ADAM22: variants seen among roughly 807,000 people sequenced by gnomAD.
The protein encoded by ADAM22 is disintegrin and metalloproteinase domain-containing protein 22.
A neutral mutation model predicts 144.6 loss-of-function variants in ADAM22; 65 were observed. The observed-to-expected ratio is 0.45, with a 90% confidence interval of 0.37 to 0.55. The LOEUF (loss-of-function observed/expected upper bound fraction) is 0.55, where lower values mean the gene tolerates loss of function less well. Among genes scored for constraint, ADAM22 ranks in the 20% least tolerant of loss-of-function variants. ADAM22 has a pLI of 0.00. For missense variants in ADAM22, 974 were observed against 1,184.9 expected (o/e 0.82, Z 2.61); for synonymous variants, 391 against 412.6 (o/e 0.95, Z 0.63).
intron 2 of ADAM22, among the ~76,000 whole-genome samples, chr7:87,949,651 G>A (rs926125775): frequency 2.0e-5 from 3 of 151,542 alleles, no homozygotes; most frequent in Admixed American, 2.0e-4. Flanking sequence ...TATTTTTAGG[G>A]TTTGATTTTT....
At chr7:88,020,400 C>T (rs1427360503) in intron 3 of ADAM22, among the ~76,000 whole-genome samples, 1 of 152,162 alleles carries the variant, frequency 6.6e-6, no homozygotes, top group African/African-American at 2.4e-5. Flanking sequence ...GCTGGTGCCA[C>T]AATCATGTGA....
intron 28 of ADAM22, 37 bp downstream of exon 28, chr7:88,181,642 A>C (rs373879420): frequency 6.5e-7 from 1 of 1,549,202 alleles, no homozygotes; most frequent in Non-Finnish European, 8.9e-7. Flanking sequence ...TGTCCACATA[A>C]TCAAGTTCTA....
chr7:87,972,903 A>G (rs1482033149), intron 2 of ADAM22, among the ~76,000 whole-genome samples: 1 of 152,200 alleles, frequency 6.6e-6, no homozygotes, highest in African/African-American at 2.4e-5. Flanking sequence ...TAGAAAGCTG[A>G]AACTGGATCC....
chr7:88,060,553 G>A (rs1220496352), intron 3 of ADAM22, among the ~76,000 whole-genome samples: 5 of 148,976 alleles, frequency 3.4e-5, no homozygotes, highest in African/African-American at 9.9e-5. Context: ...GGTGGATTAC[G>A]AGGTTAGGAG....
chr7:88,120,891 A>AT (rs1490468791), intron 7 of ADAM22, among the ~76,000 whole-genome samples: 2 of 152,042 alleles, frequency 1.3e-5, no homozygotes, highest in Non-Finnish European at 2.9e-5. Flanking sequence ...CTATAGTTTT[A>AT]TTTTTTATGT....
At chr7:87,962,309 G>A (rs990151063) in intron 2 of ADAM22, among the ~76,000 whole-genome samples, 5 of 152,302 alleles carry the variant, frequency 3.3e-5, no homozygotes, top group Admixed American at 1.3e-4. Flanking sequence ...TCATGTTATT[G>A]TCAGATTAAC....
intron 3 of ADAM22, among the ~76,000 whole-genome samples, chr7:88,058,338 C>T (rs1808839972): frequency 1.3e-5 from 2 of 152,132 alleles, no homozygotes; most frequent in South Asian, 2.1e-4. Context: ...ACCTGACAGT[C>T]ATAGTTTTGT....
intron 3 of ADAM22, among the ~76,000 whole-genome samples, chr7:87,979,037 C>CT (rs975818570): frequency 7.9e-5 from 12 of 152,158 alleles, no homozygotes; most frequent in Middle Eastern, 3.2e-3. Flanking sequence ...TTACTGTTCA[C>CT]TTTTTTAAAA....
intron 29 of ADAM22, among the ~76,000 whole-genome samples, chr7:88,182,456 C>T (rs1281811701): frequency 6.6e-6 from 1 of 152,128 alleles, no homozygotes; most frequent in Non-Finnish European, 1.5e-5. Context: ...GATCTAAAAC[C>T]ACCACTATGA....
chr7:88,147,294 A>G (rs1836802189), intron 17 of ADAM22, among the ~76,000 whole-genome samples: 1 of 152,206 alleles, frequency 6.6e-6, no homozygotes, highest in African/African-American at 2.4e-5. Context: ...AGGACAGTGA[A>G]TGGAGGAGGG....
chr7:88,128,758 A>T (rs1204627424), intron 9 of ADAM22, 82 bp downstream of exon 9: 8 of 1,121,766 alleles, frequency 7.1e-6, no homozygotes, highest in African/African-American at 1.6e-5. Flanking sequence ...AAAAAACAAG[A>T]AGCCCATCAA....
chr7:88,151,596 G>A (rs983358340), intron 20 of ADAM22, among the ~76,000 whole-genome samples: 2 of 152,156 alleles, frequency 1.3e-5, no homozygotes, highest in African/African-American at 4.8e-5. Flanking sequence ...TGCACAGCTT[G>A]GAGAATAGAG....
At chr7:87,976,862 T>A (rs1852001984) in intron 2 of ADAM22, among the ~76,000 whole-genome samples, 1 of 150,242 alleles carries the variant, frequency 6.7e-6, no homozygotes, top group South Asian at 2.1e-4. Context: ...GAGAAGGGTT[T>A]TTTATTTCTT....
intron 3 of ADAM22, among the ~76,000 whole-genome samples, chr7:88,031,585 T>G (rs1800271150): frequency 6.6e-6 from 1 of 152,214 alleles, no homozygotes; most frequent in Non-Finnish European, 1.5e-5. Flanking sequence ...AATTTCTAAG[T>G]AGCAAAGCAT....
At chr7:88,092,309 A>G (rs1820094978) in intron 4 of ADAM22, among the ~76,000 whole-genome samples, 1 of 152,162 alleles carries the variant, frequency 6.6e-6, no homozygotes, top group South Asian at 2.1e-4. Flanking sequence ...CCTCCGTTCC[A>G]CAACATACAC....
chr7:88,115,702 A>G (rs1239843864), intron 6 of ADAM22, among the ~76,000 whole-genome samples: 1 of 152,142 alleles, frequency 6.6e-6, no homozygotes, highest in Non-Finnish European at 1.5e-5. Context: ...ACACACACAC[A>G]TTCAGTCCAC....
chr7:88,077,665 G>A lies in ADAM22; in HGVS notation c.390+1973G>A, dbSNP rs575341825. On this transcript the variant is annotated intron_variant, in intron 4 of 31. Transcript: ENST00000413139. ...CACCCTAATACTGCGCTTTTCCAAC[G>A]GGCTTAACAAACGGCACACCAGGAG... is the stretch of plus-strand genomic sequence containing the variant. Among the ~76,000 whole-genome samples the A allele has an allele frequency of 6.4e-4, 98 of 152,326 alleles. 1 individual carries two copies. Among genetic ancestry groups the A allele is most frequent in the African/African-American group, 2.2e-3 (92 of 41,560 alleles).
chr7:87,950,184 A>G (rs1018165188), intron 2 of ADAM22, among the ~76,000 whole-genome samples: 1 of 151,842 alleles, frequency 6.6e-6, no homozygotes, highest in African/African-American at 2.4e-5. Flanking sequence ...CATGTGCACA[A>G]TGTGCAGGTT....
At chr7:87,981,326 T>G (rs1224350058) in intron 3 of ADAM22, among the ~76,000 whole-genome samples, 1 of 152,196 alleles carries the variant, frequency 6.6e-6, no homozygotes, top group Non-Finnish European at 1.5e-5. Flanking sequence ...AGATCCTGGA[T>G]GATCCAGTGC....
Sources: gnomAD v4.1 joint callset for allele counts (sites outside exome capture counted in the v4.1 genomes callset) on GRCh38, gnomAD v4.1.1 for gene constraint, MANE v1.5 for transcripts, NCBI Gene and HGNC (gene_info 2026-07-23, HGNC 2026-07-21) for gene names.